The following DST variants were observed in gnomAD, a reference collection of about 807,000 sequenced individuals.
DST encodes the protein dystonin, also known as bullous pemphigoid antigen.
In DST, 253 loss-of-function variants were observed where a neutral mutation model predicts 875.2. The observed-to-expected ratio is 0.29, with a 90% CI of 0.26 to 0.32. DST has a LOEUF of 0.32. DST is among the 10% of genes least tolerant of loss of function. DST has a pLI of 1.00. For synonymous variants in DST, 3,124 were observed against 3,197.1 expected (o/e 0.98, Z 0.77); for missense variants, 8,287 against 9,111.6 (o/e 0.91, Z 3.68).
intron 36 of DST, among the ~76,000 whole-genome samples, chr6:56,622,427 G>A (rs772749882): frequency 4.6e-5 from 7 of 151,758 alleles, no homozygotes; most frequent in Admixed American, 6.6e-5. Context: ...AAATTAGCCC[G>A]GCGTGGTGGC....
intron 4 of DST, among the ~76,000 whole-genome samples, chr6:56,809,803 G>A (rs978408136): frequency 6.6e-6 from 1 of 152,078 alleles, no homozygotes; most frequent in African/African-American, 2.4e-5. Context: ...AATCACAAGG[G>A]TATAACTTTT....
intron 4 of DST, among the ~76,000 whole-genome samples, chr6:56,793,312 A>T (rs1170306772): frequency 6.6e-6 from 1 of 152,136 alleles, no homozygotes; most frequent in Non-Finnish European, 1.5e-5. Context: ...ACAAATACTT[A>T]ATTATTTAGA....
At chr6:56,637,115 A>C (rs185246082) in intron 22 of DST, among the ~76,000 whole-genome samples, 133 of 152,160 alleles carry the variant, frequency 8.7e-4, no homozygotes, top group African/African-American at 3.2e-3. Context: ...AAACAAAAAA[A>C]AAACAAGAAA....
In DST at chr6:56,742,332, C is replaced by A. The variant is rs1441006075; in HGVS notation, c.626-7043G>T. The A allele has an allele frequency of 3.9e-6, 5 of 1,289,656 alleles. No homozygotes were observed. In the East Asian group the frequency reaches 2.8e-4, roughly 71 times the overall value. The allele number at this position is 1,289,656 out of a possible 1,614,324, so 79.9% of individuals were successfully genotyped here. ...AATCTTGATCATTTTTCATGAGCTG[C>A]CCCATCATTCTGCAGGAAATCTGTG... On this transcript the variant is annotated intron_variant, in intron 4 of 103. Coordinates refer to ENST00000680361, the MANE Select transcript of DST (RefSeq NM_001374736.1).
At chr6:56,587,708 A>G (rs2098185470) in intron 49 of DST, among the ~76,000 whole-genome samples, 1 of 152,174 alleles carries the variant, frequency 6.6e-6, no homozygotes, top group African/African-American at 2.4e-5. Flanking sequence ...CTAACAGCAG[A>G]TCTCTCGGCA....
intron 83 of DST, 105 bp from the exon 84 acceptor site, chr6:56,493,194 T>C (rs2095806458): frequency 3.2e-6 from 3 of 925,426 alleles, no homozygotes; most frequent in Admixed American, 5.6e-5. Context: ...CCCCACTTTA[T>C]TTATGCATAT....
At chr6:56,917,496 AG>A (rs1394029812) in intron 2 of DST, among the ~76,000 whole-genome samples, 1 of 152,234 alleles carries the variant, frequency 6.6e-6, no homozygotes, top group East Asian at 1.9e-4. Flanking sequence ...ACTGTGCATA[AG>A]AAGTCACCTT....
chr6:56,600,807 C>T (rs557864594), intron 44 of DST, among the ~76,000 whole-genome samples: 2 of 152,010 alleles, frequency 1.3e-5, no homozygotes, highest in Non-Finnish European at 2.9e-5. Context: ...TAATTACTTG[C>T]ACCTTTCATT....
At chr6:56,620,856 A>G (rs1446605046) in intron 36 of DST, 1 of 774,134 alleles carries the variant, frequency 1.3e-6, no homozygotes, top group African/African-American at 1.7e-5. Context: ...CAGCAGCATC[A>G]CCTTCTTCAG....
intron 73 of DST, 63 bp from the exon 74 acceptor site, chr6:56,509,936 A>T: frequency 1.6e-6 from 2 of 1,271,430 alleles, no homozygotes; most frequent in Non-Finnish European, 2.2e-6. Context: ...TGTGAAATTT[A>T]AATGAAAAAA....
chr6:56,557,159 T>A (rs2097436917), intron 59 of DST, among the ~76,000 whole-genome samples, 160 bp downstream of exon 59: 1 of 152,172 alleles, frequency 6.6e-6, no homozygotes, highest in Non-Finnish European at 1.5e-5. Context: ...CCCACTAATA[T>A]CAGGACAGTA....
rs771266784 is a variant in DST, at chr6:56,459,141, T to G, written c.23321A>C (p.Asp7774Ala). Residue 7774 changes from aspartate (D) to alanine (A), a missense_variant, in exon 104 of 104, where the codon GAT becomes GCT. Transcript: ENST00000680361. ...GTGTGTCTGGGGGACAGTTTCCACA[T>G]CTGAGCACACGGACTGGATTTCTGA... ...DISEIQSVCSDVETVPQTHRP... is the reference protein window; with the variant it reads ...DISEIQSVCSAVETVPQTHRP... 25 of 1,613,970 alleles carry G rather than the reference T, an allele frequency of 1.5e-5. No individual in the cohort carries two copies. The highest frequency in any genetic ancestry group is 2.1e-5 in the Non-Finnish European group (25 of 1,179,884).
intron 4 of DST, among the ~76,000 whole-genome samples, chr6:56,771,365 G>C (rs1389748724): frequency 6.6e-6 from 1 of 152,134 alleles, no homozygotes; most frequent in African/African-American, 2.4e-5. Context: ...TGTCTGCAAA[G>C]AGCAGTTGTC....
rs566552386 is a variant in DST at position 56,533,971 on chromosome 6, G to A, written c.16941+1151C>T. Among the ~76,000 whole-genome samples the A allele has an allele frequency of 1.6e-4, 24 of 152,052 alleles. No individual in the cohort carries two copies. In the South Asian group the frequency reaches 4.8e-3, roughly 30 times the overall value. ...ATTGATGAATAATAATTGAATTTATGGGGTGCAATTCAATGCTTTGATGTA... is the reference window on the plus strand; with the variant it reads ...ATTGATGAATAATAATTGAATTTATAGGGTGCAATTCAATGCTTTGATGTA... On this transcript the variant is annotated intron_variant, in intron 63 of 103. Coordinates refer to ENST00000680361, the MANE Select transcript of DST (RefSeq NM_001374736.1).
In DST at chr6:56,529,613, G is replaced by T; in HGVS notation, c.17430C>A (p.His5810Gln). The T allele has an allele frequency of 1.2e-6, 2 of 1,613,760 alleles. No individual in the cohort carries two copies. The highest frequency in any genetic ancestry group is 2.2e-5 in the South Asian group (2 of 91,076). The change falls in exon 66 of 104, where the codon CAC becomes CAA. Residue 5810 changes from histidine (H) to glutamine (Q), a missense_variant. His to Gln is a conservative substitution (Grantham distance 24). Transcript: ENST00000680361. ...VWYIEIQEKSHSRSELLQQAL... is the reference protein window; with the variant it reads ...VWYIEIQEKSQSRSELLQQAL... ...CCTGCTGGAGGAGCTCAGACCTGCT[G>T]TGACTTTTCTCTTGAATCTCAATGT...
chr6:56,528,239 T>A (rs903346552), intron 67 of DST, among the ~76,000 whole-genome samples: 1 of 152,124 alleles, frequency 6.6e-6, no homozygotes, highest in Non-Finnish European at 1.5e-5. Context: ...TAAAGGCTCT[T>A]GATTCTACAT....
Position 56,604,646 on chromosome 6 carries a change from G to T in DST, c.9982C>A (p.Pro3328Thr), listed in dbSNP as rs767550848. The T allele has an allele frequency of 1.9e-6, 3 of 1,612,380 alleles. No homozygotes were observed. The highest frequency in any genetic ancestry group is 2.5e-6 in the Non-Finnish European group (3 of 1,179,092). The change falls in exon 40 of 104, where the codon CCA becomes ACA. Residue 3328 changes from proline (P) to threonine (T), a missense_variant. Pro to Thr is a conservative substitution (Grantham distance 38). This residue lies in a region of DST where 3,138 missense variants were observed against 3,116.6 expected (regional missense o/e 1.01). Transcript: ENST00000680361. Reference protein sequence around the residue: ...NKKERIEQQLPKEQALSPRSQ... With the variant: ...NKKERIEQQLTKEQALSPRSQ... Reference sequence around the variant, plus strand: ...CTTGGAGACAAGGCTTGTTCTTTTGGTAGCTGTTGCTCAATTCTTTCTTTC... The same window carrying T: ...CTTGGAGACAAGGCTTGTTCTTTTGTTAGCTGTTGCTCAATTCTTTCTTTC...
At chr6:56,838,862 A>C (rs2099796734) in intron 4 of DST, among the ~76,000 whole-genome samples, 1 of 152,236 alleles carries the variant, frequency 6.6e-6, no homozygotes, top group South Asian at 2.1e-4. Flanking sequence ...AAGAAACCTC[A>C]TGGTGCTCTC....
intron 5 of DST, among the ~76,000 whole-genome samples, chr6:56,715,220 G>A (rs1380252828): frequency 1.3e-5 from 2 of 152,262 alleles, no homozygotes; most frequent in East Asian, 1.9e-4. Context: ...TGACTTCCTA[G>A]CAGGGGATTT....
Sources: allele counts gnomAD v4.1 joint callset (sites outside exome capture counted in the v4.1 genomes callset), GRCh38; gene constraint gnomAD v4.1.1; regional missense constraint gnomAD v4.1.1; transcripts MANE v1.5; gene names NCBI Gene and HGNC (gene_info 2026-07-23, HGNC 2026-07-21).